CNTNAP2: variants seen among roughly 807,000 people sequenced by gnomAD.
The protein encoded by CNTNAP2 is contactin-associated protein-like 2.
In CNTNAP2, 98 loss-of-function variants were observed where a neutral mutation model predicts 155.2. The observed-to-expected ratio is 0.63, with a 90% CI of 0.54 to 0.75. The LOEUF (loss-of-function observed/expected upper bound fraction) is 0.75, where lower values mean the gene tolerates loss of function less well. Ranked by LOEUF, CNTNAP2 falls within the 30% of genes least tolerant of loss-of-function variation. The probability of loss-of-function intolerance (pLI) is 0.00; values close to 1 mark genes in which losing one functional copy is unlikely to be tolerated. For missense variants in CNTNAP2, 1,727 were observed against 1,688.1 expected (o/e 1.02, Z -0.40); for synonymous variants, 651 against 631.2 (o/e 1.03, Z -0.47).
At chr7:147,361,092 G>GA (rs1213961683) in intron 9 of CNTNAP2, among the ~76,000 whole-genome samples, 1 of 151,984 alleles carries the variant, frequency 6.6e-6, no homozygotes, top group Non-Finnish European at 1.5e-5. Context: ...ATCATTTAAA[G>GA]AAAAAAACCT....
chr7:147,409,258 C>T (rs575599304), intron 10 of CNTNAP2, among the ~76,000 whole-genome samples: 11 of 152,222 alleles, frequency 7.2e-5, no homozygotes, highest in South Asian at 2.1e-4. Context: ...ACACTTAGAA[C>T]GATCTGATCT....
chr7:147,860,588 T>TAAAAAAAAAAAAAAA (rs1799118275), intron 13 of CNTNAP2, among the ~76,000 whole-genome samples: 1 of 105,996 alleles, frequency 9.4e-6, no homozygotes, highest in Non-Finnish European at 2.1e-5. Flanking sequence ...AGACTCTGTC[T>TAAAAAAAAAAAAAAA]CAAAAAAAAA....
chr7:148,381,887 T>C (rs1799068112), intron 21 of CNTNAP2, among the ~76,000 whole-genome samples: 1 of 152,114 alleles, frequency 6.6e-6, no homozygotes, highest in Admixed American at 6.5e-5. Context: ...CCCAGGGGAA[T>C]TGGTCCCAGC....
chr7:146,392,316 A>G (rs1795556610), intron 1 of CNTNAP2, among the ~76,000 whole-genome samples: 1 of 152,188 alleles, frequency 6.6e-6, no homozygotes, highest in Non-Finnish European at 1.5e-5. Flanking sequence ...CAATGATGTA[A>G]TATCATTGAG....
chr7:147,332,347 T>C (rs1795585202), intron 9 of CNTNAP2, among the ~76,000 whole-genome samples: 1 of 152,162 alleles, frequency 6.6e-6, no homozygotes, highest in Non-Finnish European at 1.5e-5. Context: ...TTTTTAATGA[T>C]GAAGTTATCC....
chr7:148,238,316 T>G (rs937148678), intron 20 of CNTNAP2, among the ~76,000 whole-genome samples: 6 of 152,102 alleles, frequency 3.9e-5, no homozygotes, highest in Non-Finnish European at 8.8e-5. Flanking sequence ...GCCACTGCAC[T>G]CCAGCCTGGT....
rs1383398478 is a variant in CNTNAP2, at chr7:146,696,889, C to T, written c.98-77382C>T. On this transcript the variant is annotated intron_variant, in intron 1 of 23. Transcript: ENST00000361727. The stretch of plus-strand genomic sequence containing the variant: ...TGTAACAGTATACTTTAAATAACTT[C>T]AATAGTTTAAATTCATTAAGCTGTG... Among the ~76,000 whole-genome samples the T allele has an allele frequency of 5.9e-5, 9 of 152,216 alleles. No homozygotes were observed. The South Asian group carries it at 1.5e-3, about 25-fold the overall frequency.
At chr7:148,283,867 G>A (rs1007088751) in intron 21 of CNTNAP2, among the ~76,000 whole-genome samples, 7 of 152,186 alleles carry the variant, frequency 4.6e-5, no homozygotes, top group African/African-American at 1.7e-4. Context: ...TTTCAAAACT[G>A]AATATTAAAT....
intron 1 of CNTNAP2, among the ~76,000 whole-genome samples, chr7:146,631,655 C>T (rs1799512981): frequency 6.6e-6 from 1 of 152,098 alleles, no homozygotes; most frequent in African/African-American, 2.4e-5. Flanking sequence ...AGCAAGAGTT[C>T]TGAAAAGATC....
At chr7:147,046,386 T>G (rs1285665889) in intron 4 of CNTNAP2, among the ~76,000 whole-genome samples, 1 of 152,208 alleles carries the variant, frequency 6.6e-6, no homozygotes, top group Non-Finnish European at 1.5e-5. Flanking sequence ...TATTTTACAC[T>G]TGACTTCTTT....
intron 13 of CNTNAP2, among the ~76,000 whole-genome samples, chr7:147,762,167 A>ACACACACG (rs1478945192): frequency 6.6e-6 from 1 of 151,530 alleles, no homozygotes; most frequent in Non-Finnish European, 1.5e-5. Context: ...ACACACACAC[A>ACACACACG]CACACACACA....
intron 3 of CNTNAP2, among the ~76,000 whole-genome samples, chr7:146,876,771 G>T (rs1795437748): frequency 6.6e-6 from 1 of 151,884 alleles, no homozygotes; most frequent in Non-Finnish European, 1.5e-5. Context: ...CACATTATTG[G>T]GTCAAAATTG....
chr7:146,384,778 G>A (rs903902433), intron 1 of CNTNAP2, among the ~76,000 whole-genome samples: 5 of 152,108 alleles, frequency 3.3e-5, no homozygotes, highest in Admixed American at 1.3e-4. Context: ...TTGGGACTAT[G>A]CCTTTTGTCT....
chr7:146,938,559 A>T (rs2129224943), intron 3 of CNTNAP2, among the ~76,000 whole-genome samples: 1 of 151,878 alleles, frequency 6.6e-6, no homozygotes, highest in South Asian at 2.1e-4. Flanking sequence ...CTCCACATCC[A>T]TGTTACAGTG....
intron 13 of CNTNAP2, among the ~76,000 whole-genome samples, chr7:147,771,343 G>T (rs1563082819): frequency 6.6e-6 from 1 of 152,280 alleles, no homozygotes; most frequent in East Asian, 1.9e-4. Context: ...CTGAAGAACT[G>T]TGCATGAAAA....
intron 1 of CNTNAP2, among the ~76,000 whole-genome samples, chr7:146,142,028 C>G (rs536768763): frequency 6.6e-6 from 1 of 152,074 alleles, no homozygotes; most frequent in South Asian, 2.1e-4. Context: ...TTAACTTTGC[C>G]CATACTGAGT....
intron 1 of CNTNAP2, among the ~76,000 whole-genome samples, chr7:146,374,186 GAA>G (rs202099915): frequency 6.7e-6 from 1 of 150,116 alleles, no homozygotes; most frequent in African/African-American, 2.4e-5. Context: ...ATGTGATTAT[GAA>G]AAAAAAAGTG....
At chr7:148,245,314 G>C (rs1416098348) in intron 20 of CNTNAP2, among the ~76,000 whole-genome samples, 2 of 152,148 alleles carry the variant, frequency 1.3e-5, no homozygotes. Context: ...TGTAACATGG[G>C]GCGAATAAGA....
At chr7:148,013,944 G>A (rs569955330) in intron 15 of CNTNAP2, 3 of 152,192 alleles carry the variant, frequency 2.0e-5, no homozygotes, top group Admixed American at 2.0e-4. Flanking sequence ...TTGGTACAAG[G>A]AAATTAACCA....
Sources: gnomAD v4.1 joint callset for allele counts (sites outside exome capture counted in the v4.1 genomes callset) on GRCh38, gnomAD v4.1.1 for gene constraint, MANE v1.5 for transcripts, NCBI Gene and HGNC (gene_info 2026-07-23, HGNC 2026-07-21) for gene names.